RTTN: variants seen among roughly 807,000 people sequenced by gnomAD.
RTTN encodes the protein rotatin.
Under a neutral mutation model 269.2 loss-of-function variants are expected in RTTN, and 182 were observed. The ratio of observed to expected loss-of-function variants is 0.68; its 90% CI spans 0.60 to 0.76. RTTN has a LOEUF of 0.76. Ranked by LOEUF, RTTN falls within the 30% of genes least tolerant of loss-of-function variation. The pLI, the probability that RTTN is intolerant of heterozygous loss-of-function variation, is 0.00. For synonymous variants in RTTN, 1,006 were observed against 963.5 expected (o/e 1.04, Z -0.82); for missense variants, 2,545 against 2,608.6 (o/e 0.98, Z 0.53).
chr18:70,073,947 G>T lies in RTTN; in HGVS notation c.4612C>A (p.Gln1538Lys). The change falls in exon 34 of 49, where the codon CAG becomes AAG. Residue 1538 changes from glutamine to lysine, a missense_variant. Gln to Lys is a moderately conservative substitution (Grantham distance 53). Coordinates refer to ENST00000640769, the MANE Select transcript of RTTN (RefSeq NM_173630.4). The stretch of plus-strand genomic sequence containing the variant: ...GAGAGAGAACTTGGATCTCGATCCT[G>T]ACTTGTCCTAGATGGAGCCCTCCAA... ...KFWRAPSRTSQDRDPSSLSTS... is the reference protein window; with the variant it reads ...KFWRAPSRTSKDRDPSSLSTS... 2.5e-6 allele frequency: 4 copies of T among 1,611,898 alleles called. No individual in the cohort carries two copies. The South Asian group carries it at 4.4e-5, about 18-fold the overall frequency.
chr18:70,188,613 G>T (rs907546124), intron 9 of RTTN, among the ~76,000 whole-genome samples: 2 of 152,204 alleles, frequency 1.3e-5, no homozygotes, highest in Non-Finnish European at 2.9e-5. Context: ...ACTAGAAGGC[G>T]TGAGCCTTCT....
chr18:70,092,819 TA>T lies in RTTN; in HGVS notation c.3904-16del. Reference sequence around the variant, plus strand: ...GAAGTAATGACCTGAAAAACAAATGTAAACAATTTCATGGTGGCTTTATTCT... The same window carrying T: ...GAAGTAATGACCTGAAAAACAAATGTAACAATTTCATGGTGGCTTTATTCT... On this transcript the variant is annotated splice_polypyrimidine_tract_variant and intron_variant, in intron 28 of 48. Coordinates refer to ENST00000640769, the MANE Select transcript of RTTN (RefSeq NM_173630.4). 1 of 1,594,012 alleles carries T rather than the reference TA, an allele frequency of 6.3e-7. No individual in the cohort carries two copies.
At chr18:70,086,524 C>T in intron 32 of RTTN, 89 bp downstream of exon 32, 2 of 1,029,864 alleles carry the variant, frequency 1.9e-6, no homozygotes, top group Non-Finnish European at 3.0e-6. Context: ...ATAGTTTCAT[C>T]AATAATGAAA....
chr18:70,120,725 T>A (rs944248803), intron 26 of RTTN, among the ~76,000 whole-genome samples: 4 of 152,212 alleles, frequency 2.6e-5, no homozygotes, highest in African/African-American at 9.6e-5. Context: ...ATAAGAAATC[T>A]GAATAGCCAA....
At chr18:70,033,669 G>A (rs968828628) in intron 40 of RTTN, among the ~76,000 whole-genome samples, 5 of 151,960 alleles carry the variant, frequency 3.3e-5, no homozygotes, top group African/African-American at 1.2e-4. Context: ...AAGAACTAGA[G>A]AAGAAAGAGC....
At chr18:70,083,941 A>C (rs2058636230) in intron 32 of RTTN, among the ~76,000 whole-genome samples, 1 of 151,692 alleles carries the variant, frequency 6.6e-6, no homozygotes, top group Non-Finnish European at 1.5e-5. Flanking sequence ...AAAAAGTCAC[A>C]ATTGATAAAA....
intron 16 of RTTN, 145 bp from the exon 17 acceptor site, chr18:70,149,182 T>A (rs2060473449): frequency 1.5e-6 from 1 of 688,004 alleles, no homozygotes; most frequent in Non-Finnish European, 2.3e-6. Flanking sequence ...TTAAAATAAC[T>A]TCTATGAGCC....
At chr18:70,167,856 C>G (rs1353813251) in intron 12 of RTTN, among the ~76,000 whole-genome samples, 1 of 151,904 alleles carries the variant, frequency 6.6e-6, no homozygotes, top group Non-Finnish European at 1.5e-5. Flanking sequence ...TCATAAATAT[C>G]AAGTTCAAGG....
intron 14 of RTTN, among the ~76,000 whole-genome samples, chr18:70,151,147 T>C (rs2060526640): frequency 6.8e-6 from 1 of 148,078 alleles, no homozygotes; most frequent in Non-Finnish European, 1.5e-5. Flanking sequence ...TTATATACTA[T>C]ATATATTTAT....
chr18:70,030,298 T>C (rs1255432462), intron 41 of RTTN, among the ~76,000 whole-genome samples, 189 bp from the exon 42 acceptor site: 1 of 152,214 alleles, frequency 6.6e-6, no homozygotes, highest in Non-Finnish European at 1.5e-5. Context: ...TGAAGTCCAC[T>C]TGTTTTCAGT....
chr18:70,057,466 G>C (rs1283596253), intron 37 of RTTN, among the ~76,000 whole-genome samples: 1 of 152,138 alleles, frequency 6.6e-6, no homozygotes, highest in African/African-American at 2.4e-5. Context: ...TTATTAAAGT[G>C]GTGCTCCAAG....
At chr18:70,021,939 C>A (rs2056716623) in intron 44 of RTTN, among the ~76,000 whole-genome samples, 2 of 151,970 alleles carry the variant, frequency 1.3e-5, no homozygotes, top group South Asian at 4.2e-4. Context: ...ATTCAGAGAC[C>A]CCAGTTGCTG....
intron 26 of RTTN, among the ~76,000 whole-genome samples, chr18:70,120,008 T>A (rs1245079412): frequency 1.3e-5 from 2 of 152,178 alleles, no homozygotes; most frequent in Non-Finnish European, 2.9e-5. Context: ...TGAAATTTAA[T>A]CCCCAAAGTA....
chr18:70,091,534 G>A (rs1408803863), intron 30 of RTTN: 2 of 152,340 alleles, frequency 1.3e-5, no homozygotes, highest in African/African-American at 2.4e-5. Context: ...CTACAAGCCA[G>A]AAGAAGAGCC....
chr18:70,174,461 C>A (rs1228434120), intron 11 of RTTN, among the ~76,000 whole-genome samples: 1 of 151,942 alleles, frequency 6.6e-6, no homozygotes, highest in Non-Finnish European at 1.5e-5. Context: ...CATGTTTAAG[C>A]ATTCAGCCTT....
intron 10 of RTTN, among the ~76,000 whole-genome samples, chr18:70,178,741 A>G (rs2061358056): frequency 6.6e-6 from 1 of 152,152 alleles, no homozygotes; most frequent in South Asian, 2.1e-4. Flanking sequence ...TAAAAGGTTA[A>G]AAGTTCAATG....
In RTTN at chr18:70,035,293, A is replaced by T. The variant is rs142830965; in HGVS notation, c.5542-4312T>A. On this transcript the variant is annotated intron_variant, in intron 40 of 48. Coordinates refer to ENST00000640769, the MANE Select transcript of RTTN (RefSeq NM_173630.4). ...AAAAAGAAAAAAGCTGGAGGCATCA[A>T]GCTACTTGACTTCAAACTATACTAC... Among the ~76,000 whole-genome samples, 64 of 152,312 alleles carry T rather than the reference A, an allele frequency of 4.2e-4. 1 individual carries two copies. The highest frequency in any genetic ancestry group is 1.3e-3 in the African/African-American group (55 of 41,580).
At chr18:70,090,642 C>G (rs2058821076) in intron 30 of RTTN, among the ~76,000 whole-genome samples, 1 of 152,156 alleles carries the variant, frequency 6.6e-6, no homozygotes, top group African/African-American at 2.4e-5. Flanking sequence ...AAAAATGATT[C>G]AGAGATCCCC....
At position 70,092,818 on chromosome 18, in the gene RTTN, G is replaced by A. The variant is rs1163994159; in HGVS notation, c.3904-14C>T. The stretch of plus-strand genomic sequence containing the variant: ...AGAAGTAATGACCTGAAAAACAAAT[G>A]TAAACAATTTCATGGTGGCTTTATT... On this transcript the variant is annotated splice_polypyrimidine_tract_variant and intron_variant, in intron 28 of 48. Transcript: ENST00000640769. The A allele has an allele frequency of 1.3e-6, 2 of 1,592,364 alleles. No homozygotes were observed. The highest frequency in any genetic ancestry group is 1.7e-6 in the Non-Finnish European group (2 of 1,164,542).
Sources: allele counts gnomAD v4.1 joint callset (sites outside exome capture counted in the v4.1 genomes callset), GRCh38; gene constraint gnomAD v4.1.1; transcripts MANE v1.5; gene names NCBI Gene and HGNC (gene_info 2026-07-23, HGNC 2026-07-21).